PMM2: variants seen among roughly 807,000 people sequenced by gnomAD.
PMM2 encodes mannose-6-phosphate isomerase.
In PMM2, 35 loss-of-function variants were observed where a neutral mutation model predicts 33.2. The observed-to-expected ratio is 1.06, with a 90% confidence interval of 0.81 to 1.40. PMM2 has a LOEUF of 1.40. Among genes scored for constraint, PMM2 ranks in the 40% most tolerant of loss-of-function variants. The pLI is 0.00. For missense variants in PMM2, 386 were observed against 306.0 expected, an observed-to-expected ratio of 1.26 and a Z score of -1.95; for synonymous variants, 153 against 114.7, an observed-to-expected ratio of 1.33 and a Z score of -2.13.
chr16:8,804,039 T>TTTTTTTTTG (rs2060632546), intron 2 of PMM2, among the ~76,000 whole-genome samples: 1 of 132,802 alleles, frequency 7.5e-6, no homozygotes, highest in African/African-American at 3.0e-5. Flanking sequence ...TTGTTTTTTT[T>TTTTTTTTTG]TTTTTTTTTT....
Position 8,797,869 on chromosome 16 carries a change from T to C in PMM2, c.-14T>C. The C allele has an allele frequency of 6.2e-7, 1 of 1,611,056 alleles. No homozygotes were observed. The highest frequency in any genetic ancestry group is 8.5e-7 in the Non-Finnish European group (1 of 1,178,982). On this transcript the variant is annotated 5_prime_UTR_variant, in exon 1 of 8. Coordinates refer to ENST00000268261, the MANE Select transcript of PMM2 (RefSeq NM_000303.3). ...GCCAACGTGTCTTGTAAGGTGCGGC[T>C]AGAAACTGGGGACATGGCAGCGCCT...
chr16:8,819,989 A>T (rs2060728779), intron 7 of PMM2, among the ~76,000 whole-genome samples: 2 of 152,222 alleles, frequency 1.3e-5, no homozygotes, highest in Admixed American at 1.3e-4. Flanking sequence ...GCAACATTTT[A>T]TTCTCCAGAA....
rs1005553664 is a variant in PMM2 at position 8,813,111 on chromosome 16, G to A, written c.639+5G>A. ...TTTGGAGACAAAACTATGCCAGTAA[G>A]TAGAGAAGTGTTTGTGCACCTTCAT... On this transcript the variant is annotated splice_donor_5th_base_variant and intron_variant, in intron 7 of 7. Coordinates refer to ENST00000268261, the MANE Select transcript of PMM2 (RefSeq NM_000303.3). The A allele has an allele frequency of 6.6e-7, 1 of 1,517,958 alleles. No homozygotes were observed. The allele number at this position is 1,517,958 out of a possible 1,614,324, so 94.0% of individuals were successfully genotyped here.
chr16:8,847,160 G>A (rs995074094), intron 7 of PMM2, among the ~76,000 whole-genome samples: 1 of 152,098 alleles, frequency 6.6e-6, no homozygotes, highest in Non-Finnish European at 1.5e-5. Flanking sequence ...CACCATGCCC[G>A]GCCCACGTGG....
At chr16:8,816,769 G>T (rs1209469266) in intron 7 of PMM2, among the ~76,000 whole-genome samples, 1 of 152,092 alleles carries the variant, frequency 6.6e-6, no homozygotes, top group Non-Finnish European at 1.5e-5. Context: ...GTTGGCGAGG[G>T]TGTGGAGAAA....
intron 7 of PMM2, among the ~76,000 whole-genome samples, chr16:8,817,782 T>A (rs2060716237): frequency 6.6e-6 from 1 of 152,228 alleles, no homozygotes; most frequent in Non-Finnish European, 1.5e-5. Flanking sequence ...CATCCAACAA[T>A]GTCCCAGCCT....
At chr16:8,800,676 T>TG (rs1567156062) in intron 1 of PMM2, among the ~76,000 whole-genome samples, 11 of 148,340 alleles carry the variant, frequency 7.4e-5, no homozygotes, top group African/African-American at 2.8e-4. Flanking sequence ...TTTTTTTTTT[T>TG]TTTTTGTTTT....
chr16:8,833,407 T>C (rs540189786), intron 7 of PMM2, among the ~76,000 whole-genome samples: 1 of 152,370 alleles, frequency 6.6e-6, no homozygotes, highest in South Asian at 2.1e-4. Flanking sequence ...TCAGGCCATC[T>C]GGATGTATAC....
intron 7 of PMM2, among the ~76,000 whole-genome samples, chr16:8,843,275 C>T (rs1245698522): frequency 1.3e-5 from 2 of 152,038 alleles, no homozygotes; most frequent in Non-Finnish European, 2.9e-5. Context: ...GGTGGACTTA[C>T]CCTCCACTGT....
rs375208451 is a variant in PMM2, at chr16:8,825,272, C to T, written c.639+12166C>T. On this transcript the variant is annotated intron_variant, in intron 7 of 7. Coordinates refer to ENST00000268261, the MANE Select transcript of PMM2 (RefSeq NM_000303.3). ...GGTCTTGATCTCCTGACCTCGTGAT[C>T]CACCCACCTCGGCCTCCCAAAGTGC... is the stretch of plus-strand genomic sequence containing the variant. Among the ~76,000 whole-genome samples, 250 of 151,936 alleles carry T rather than the reference C, an allele frequency of 1.6e-3. 6 individuals carry two copies. In the South Asian group the frequency reaches 0.051, roughly 31 times the overall value.
chr16:8,818,239 T>A (rs376742985), intron 7 of PMM2, among the ~76,000 whole-genome samples: 14 of 152,202 alleles, frequency 9.2e-5, no homozygotes, highest in Admixed American at 3.3e-4. Flanking sequence ...TATTCTCTCA[T>A]TAGGCATCAG....
At chr16:8,841,408 T>C (rs201600064) in intron 7 of PMM2, among the ~76,000 whole-genome samples, 17,837 of 139,530 alleles carry the variant, frequency 0.13, 847 homozygotes, top group East Asian at 0.21. Flanking sequence ...ATTTTAGTTA[T>C]CTGACTCGGG....
intron 7 of PMM2, among the ~76,000 whole-genome samples, chr16:8,817,798 T>C (rs1453391413): frequency 3.9e-5 from 6 of 152,260 alleles, no homozygotes; most frequent in East Asian, 3.8e-4. Context: ...AGCCTTTCTA[T>C]GTATATGATC....
At position 8,847,889 on chromosome 16, in the gene PMM2, C is replaced by A. The variant is rs532445361; in HGVS notation, c.*64C>A. On this transcript the variant is annotated 3_prime_UTR_variant, in exon 8 of 8. Transcript: ENST00000268261. Reference sequence around the variant, plus strand: ...AGCATAGGGCATTCGGTGGCCAGAGCCGAGGGTCCTCCCACACGTGCTCAC... The same window carrying A: ...AGCATAGGGCATTCGGTGGCCAGAGACGAGGGTCCTCCCACACGTGCTCAC... The A allele has an allele frequency of 3.5e-5, 45 of 1,280,356 alleles. No individual in the cohort carries two copies. The East Asian group carries it at 1.1e-3, about 30-fold the overall frequency. 79.3% of individuals were successfully genotyped at this position (1,280,356 alleles called of 1,614,324 possible).
intron 7 of PMM2, 160 bp from the exon 8 acceptor site, chr16:8,847,564 C>T (rs2060935512): frequency 3.0e-6 from 2 of 659,786 alleles, no homozygotes; most frequent in Admixed American, 2.2e-5. Context: ...AACAATTGTA[C>T]TCACGTTCCT....
chr16:8,838,668 G>C lies in PMM2; in HGVS notation c.640-9056G>C, dbSNP rs373591281. 6.6e-4 allele frequency among the ~76,000 whole-genome samples: 100 copies of C among 152,072 alleles called. No homozygotes were observed. In the South Asian group the frequency reaches 0.019, roughly 29 times the overall value. ...GTCTGGATACAGTTTTGGATGAATT[G>C]AGAAACTAAACAGAAGATCCAAGGT... On this transcript the variant is annotated intron_variant, in intron 7 of 7. Coordinates refer to ENST00000268261, the MANE Select transcript of PMM2 (RefSeq NM_000303.3).
chr16:8,827,875 GTTA>G (rs2060784363), intron 7 of PMM2, among the ~76,000 whole-genome samples: 1 of 71,772 alleles, frequency 1.4e-5, no homozygotes. Flanking sequence ...TTATATATAT[GTTA>G]TATAATATAT....
intron 7 of PMM2, among the ~76,000 whole-genome samples, chr16:8,830,688 A>T (rs561648675): frequency 6.6e-6 from 1 of 152,192 alleles, no homozygotes; most frequent in Admixed American, 6.5e-5. Flanking sequence ...TCTCAGGAGC[A>T]ATGTGGGGAG....
intron 7 of PMM2, among the ~76,000 whole-genome samples, chr16:8,834,980 C>T (rs955522307): frequency 2.6e-5 from 4 of 151,720 alleles, no homozygotes; most frequent in East Asian, 3.9e-4. Flanking sequence ...CTGAAGGAGC[C>T]GGGGAGCAGA....
Sources: gnomAD v4.1 joint callset for allele counts (sites outside exome capture counted in the v4.1 genomes callset) on GRCh38, gnomAD v4.1.1 for gene constraint, MANE v1.5 for transcripts, NCBI Gene and HGNC (gene_info 2026-07-23, HGNC 2026-07-21) for gene names.